Variants in PRKN observed in about 807,000 individuals in gnomAD.
PRKN encodes the protein E3 ubiquitin-protein ligase parkin.
A neutral mutation model predicts 59.5 loss-of-function variants in PRKN; 56 were observed. The ratio of observed to expected loss-of-function variants is 0.94; its 90% CI spans 0.76 to 1.18. The LOEUF is 1.18. Ranked by LOEUF, PRKN falls within the 50% of genes most tolerant of loss-of-function variation. The pLI is 0.00. For synonymous variants in PRKN, 250 were observed against 222.1 expected, an observed-to-expected ratio of 1.13 and a Z score of -1.12; for missense variants, 657 against 596.4, an observed-to-expected ratio of 1.10 and a Z score of -1.06.
intron 7 of PRKN, among the ~76,000 whole-genome samples, chr6:161,768,011 G>C (rs1164632520): frequency 6.6e-6 from 1 of 151,956 alleles, no homozygotes; most frequent in Non-Finnish European, 1.5e-5. Context: ...TTTTAAAACT[G>C]ACTGGTTTAG....
At chr6:162,710,627 A>G (rs367900571) in intron 1 of PRKN, among the ~76,000 whole-genome samples, 1 of 152,116 alleles carries the variant, frequency 6.6e-6, no homozygotes, top group African/African-American at 2.4e-5. Context: ...CAATTCTATA[A>G]TAAGAACTGA....
intron 1 of PRKN, among the ~76,000 whole-genome samples, chr6:162,626,528 G>A (rs1237491613): frequency 2.0e-5 from 3 of 152,042 alleles, no homozygotes; most frequent in Admixed American, 2.0e-4. Context: ...TGGATATGGT[G>A]GCTCAGGCCG....
At chr6:162,639,833 C>T (rs184670327) in intron 1 of PRKN, among the ~76,000 whole-genome samples, 19 of 152,254 alleles carry the variant, frequency 1.2e-4, no homozygotes, top group Admixed American at 1.0e-3. Context: ...CCTAATCAAA[C>T]ACACAGGCCT....
chr6:161,833,817 C>T (rs1389454249), intron 6 of PRKN, among the ~76,000 whole-genome samples: 1 of 152,144 alleles, frequency 6.6e-6, no homozygotes, highest in Non-Finnish European at 1.5e-5. Flanking sequence ...CAGCTCTGTT[C>T]CTATCCCATG....
At chr6:161,819,058 A>G (rs1791911271) in intron 6 of PRKN, among the ~76,000 whole-genome samples, 1 of 152,240 alleles carries the variant, frequency 6.6e-6, no homozygotes, top group Admixed American at 6.5e-5. Context: ...CATTGCATTC[A>G]AACATTATAC....
chr6:161,365,511 C>G (rs764907769), intron 10 of PRKN, among the ~76,000 whole-genome samples: 1 of 152,152 alleles, frequency 6.6e-6, no homozygotes, highest in South Asian at 2.1e-4. Context: ...AAACCTCCTG[C>G]CTGTCAATAG....
At chr6:162,545,512 G>T (rs370819124) in intron 1 of PRKN, among the ~76,000 whole-genome samples, 121 of 152,160 alleles carry the variant, frequency 8.0e-4, no homozygotes, top group African/African-American at 2.8e-3. Flanking sequence ...CATATAATTT[G>T]CCCAATTCCC....
intron 7 of PRKN, among the ~76,000 whole-genome samples, chr6:161,649,317 G>A (rs1245070154): frequency 1.3e-5 from 2 of 152,192 alleles, no homozygotes; most frequent in Non-Finnish European, 1.5e-5. Flanking sequence ...CACCTGTGCT[G>A]AGAACCAGGG....
intron 6 of PRKN, among the ~76,000 whole-genome samples, chr6:161,912,494 C>A (rs565530210): frequency 2.0e-5 from 3 of 151,780 alleles, no homozygotes; most frequent in Admixed American, 2.0e-4. Context: ...AGAACTTGGC[C>A]TCAGGAGTGC....
chr6:162,414,967 A>T (rs1415982904), intron 2 of PRKN, among the ~76,000 whole-genome samples: 1 of 152,090 alleles, frequency 6.6e-6, no homozygotes, highest in African/African-American at 2.4e-5. Flanking sequence ...CTGTTCTTTT[A>T]TTTAAGAAAA....
intron 1 of PRKN, among the ~76,000 whole-genome samples, chr6:162,592,932 G>C (rs1044896798): frequency 3.3e-5 from 5 of 151,810 alleles, no homozygotes; most frequent in Non-Finnish European, 7.4e-5. Flanking sequence ...AACACATCAC[G>C]ATTACAAAGC....
intron 2 of PRKN, among the ~76,000 whole-genome samples, chr6:162,348,983 T>C (rs1306076947): frequency 6.6e-6 from 1 of 152,178 alleles, no homozygotes. Context: ...GACAATTTTA[T>C]ACCAGTAAAT....
intron 1 of PRKN, among the ~76,000 whole-genome samples, chr6:162,556,375 G>GTGTGTC (rs1562382143): frequency 9.0e-6 from 1 of 111,068 alleles, no homozygotes; most frequent in African/African-American, 2.8e-5. Flanking sequence ...GTGTGTGTGT[G>GTGTGTC]TGTGTGTGTG....
chr6:162,129,618 AG>A (rs1442394410), intron 4 of PRKN, among the ~76,000 whole-genome samples: 1 of 152,010 alleles, frequency 6.6e-6, no homozygotes, highest in African/African-American at 2.4e-5. Flanking sequence ...ACTTCATTAG[AG>A]GGTGGAGCAT....
chr6:162,724,905 T>C (rs886963597), intron 1 of PRKN, among the ~76,000 whole-genome samples: 1 of 152,242 alleles, frequency 6.6e-6, no homozygotes, highest in Non-Finnish European at 1.5e-5. Flanking sequence ...GAGAAGGTTA[T>C]AGGATAAGCC....
At chr6:162,022,339 C>T (rs950571290) in intron 5 of PRKN, among the ~76,000 whole-genome samples, 3 of 152,114 alleles carry the variant, frequency 2.0e-5, no homozygotes, top group South Asian at 2.1e-4. Context: ...TCTACATCTG[C>T]GCCAATATAT....
chr6:162,215,482 A>C (rs1337278349), intron 3 of PRKN, among the ~76,000 whole-genome samples: 1 of 152,186 alleles, frequency 6.6e-6, no homozygotes, highest in Non-Finnish European at 1.5e-5. Context: ...CAGGATTCTA[A>C]ACTAAATGTT....
At chr6:161,573,744 A>T (rs1780998359) in intron 7 of PRKN, among the ~76,000 whole-genome samples, 6 of 40,500 alleles carry the variant, frequency 1.5e-4, no homozygotes, top group Non-Finnish European at 2.1e-4. Flanking sequence ...AAAAAAAAAA[A>T]AAAAAAAAAA....
intron 2 of PRKN, among the ~76,000 whole-genome samples, chr6:162,395,144 C>G (rs1787411331): frequency 6.6e-6 from 1 of 152,144 alleles, no homozygotes; most frequent in Non-Finnish European, 1.5e-5. Flanking sequence ...TCTGGGATAA[C>G]TAGCCTTCAA....
Sources: gnomAD v4.1 joint callset for allele counts (sites outside exome capture counted in the v4.1 genomes callset) on GRCh38, gnomAD v4.1.1 for gene constraint, MANE v1.5 for transcripts, NCBI Gene and HGNC (gene_info 2026-07-23, HGNC 2026-07-21) for gene names.